The following TCF7L2 variants were observed in gnomAD, a reference collection of about 807,000 sequenced individuals.
TCF7L2 encodes the protein transcription factor 7 like 2.
TCF7L2 carries 23 observed loss-of-function variants against 77.9 expected under a neutral mutation model. The ratio of observed to expected loss-of-function variants is 0.30; its 90% CI spans 0.21 to 0.42. The LOEUF (loss-of-function observed/expected upper bound fraction) is 0.42, where lower values mean the gene tolerates loss of function less well. Ranked by LOEUF, TCF7L2 falls within the 10% of genes least tolerant of loss-of-function variation. The pLI is 1.00. For synonymous variants in TCF7L2, 413 were observed against 340.2 expected (o/e 1.21, Z -2.36); for missense variants, 654 against 793.1 (o/e 0.82, Z 2.11).
intron 6 of TCF7L2, among the ~76,000 whole-genome samples, chr10:113,142,225 G>A (rs1392912139): frequency 2.6e-5 from 4 of 152,102 alleles, no homozygotes; most frequent in East Asian, 3.9e-4. Context: ...GGCTGGTCTC[G>A]AACTCCTGAC....
In TCF7L2 at chr10:112,950,295, C is replaced by T; in HGVS notation, c.-462C>T. The T allele has an allele frequency of 4.4e-6, 1 of 229,726 alleles. No homozygotes were observed. Among genetic ancestry groups the T allele is most frequent in the Non-Finnish European group, 8.6e-6 (1 of 116,172 alleles). 14.2% of individuals were successfully genotyped at this position (229,726 alleles called of 1,614,324 possible). Reference sequence around the variant, plus strand: ...TACTCCGTTCCTCCGGATTTCGATCCCCCTTTTTCTATCTGTCAATCAGCG... The same window carrying T: ...TACTCCGTTCCTCCGGATTTCGATCTCCCTTTTTCTATCTGTCAATCAGCG... On this transcript the variant is annotated 5_prime_UTR_variant, in exon 1 of 14. Coordinates refer to ENST00000627217, the MANE Select transcript of TCF7L2 (RefSeq NM_001146274.2).
chr10:112,984,921 A>G lies in TCF7L2; in HGVS notation c.450+20297A>G, dbSNP rs568424500. Reference sequence around the variant, plus strand: ...TGTGATAAGGAGGCGTTCTGGGATGATGGATAAAACGCTTTGGCACTGAAG... The same window carrying G: ...TGTGATAAGGAGGCGTTCTGGGATGGTGGATAAAACGCTTTGGCACTGAAG... On this transcript the variant is annotated intron_variant, in intron 4 of 13. Coordinates refer to ENST00000627217, the MANE Select transcript of TCF7L2 (RefSeq NM_001146274.2). 7.5e-4 allele frequency among the ~76,000 whole-genome samples: 115 copies of G among 152,318 alleles called. 1 individual carries two copies. In the South Asian group the frequency reaches 0.012, roughly 16 times the overall value.
chr10:113,108,219 CCCCCA>C (rs1173723369), intron 5 of TCF7L2, among the ~76,000 whole-genome samples: 1 of 152,128 alleles, frequency 6.6e-6, no homozygotes, highest in African/African-American at 2.4e-5. Flanking sequence ...AATGTGGACC[CCCCCA>C]CCCCACCAGG....
At chr10:113,153,372 C>T (rs1005570518) in intron 11 of TCF7L2, among the ~76,000 whole-genome samples, 5 of 152,216 alleles carry the variant, frequency 3.3e-5, no homozygotes, top group African/African-American at 1.2e-4. Flanking sequence ...TCACCATCCA[C>T]TCTTAGGGGA....
At chr10:112,965,290 G>T (rs1216377295) in intron 4 of TCF7L2, among the ~76,000 whole-genome samples, 4 of 152,176 alleles carry the variant, frequency 2.6e-5, no homozygotes, top group Non-Finnish European at 4.4e-5. Flanking sequence ...AAATCCGAAG[G>T]CTAAACAAAT....
chr10:112,993,723 A>G (rs1209843526), intron 4 of TCF7L2, among the ~76,000 whole-genome samples: 1 of 152,158 alleles, frequency 6.6e-6, no homozygotes. Context: ...TTGCCTCGCA[A>G]GCTGTCTTGG....
intron 13 of TCF7L2, among the ~76,000 whole-genome samples, chr10:113,164,932 C>T (rs1257698137): frequency 2.0e-5 from 3 of 152,126 alleles, no homozygotes; most frequent in African/African-American, 7.2e-5. Context: ...TGTGTTAAAA[C>T]CTTTAAGCCT....
chr10:113,086,115 A>C (rs1239322243), intron 5 of TCF7L2, among the ~76,000 whole-genome samples: 1 of 152,188 alleles, frequency 6.6e-6, no homozygotes, highest in Non-Finnish European at 1.5e-5. Flanking sequence ...CCCACTCGTC[A>C]TGTCAGGAGC....
intron 4 of TCF7L2, among the ~76,000 whole-genome samples, chr10:113,035,996 G>T (rs765045794): frequency 6.6e-6 from 1 of 152,066 alleles, no homozygotes; most frequent in African/African-American, 2.4e-5. Flanking sequence ...CACTTGCCCC[G>T]TCCATCTGTG....
At chr10:113,069,929 A>G (rs2057737661) in intron 5 of TCF7L2, among the ~76,000 whole-genome samples, 1 of 152,036 alleles carries the variant, frequency 6.6e-6, no homozygotes, top group Non-Finnish European at 1.5e-5. Flanking sequence ...GGTGTCAGGG[A>G]GATCACTGTG....
chr10:113,060,993 AG>A (rs1332956524), intron 5 of TCF7L2, among the ~76,000 whole-genome samples: 1 of 152,170 alleles, frequency 6.6e-6, no homozygotes, highest in Non-Finnish European at 1.5e-5. Context: ...GCTGGTGGAT[AG>A]TAAGCTCCTT....
At chr10:113,143,465 C>T (rs1203940599) in intron 6 of TCF7L2, among the ~76,000 whole-genome samples, 1 of 152,192 alleles carries the variant, frequency 6.6e-6, no homozygotes, top group Non-Finnish European at 1.5e-5. Flanking sequence ...AGTAACTTTT[C>T]AAATGCCACA....
intron 13 of TCF7L2, chr10:113,161,635 C>T (rs746707933): frequency 5.2e-6 from 8 of 1,535,706 alleles, no homozygotes; most frequent in Non-Finnish European, 7.0e-6. Context: ...ACACGCTTCC[C>T]TGTTTGTAGT....
At chr10:113,109,331 G>A (rs1027299667) in intron 5 of TCF7L2, among the ~76,000 whole-genome samples, 2 of 152,112 alleles carry the variant, frequency 1.3e-5, no homozygotes, top group Non-Finnish European at 2.9e-5. Flanking sequence ...CTATAAAATA[G>A]GGATAGTGCT....
chr10:113,090,252 A>G (rs1408517580), intron 5 of TCF7L2, among the ~76,000 whole-genome samples: 1 of 152,232 alleles, frequency 6.6e-6, no homozygotes, highest in African/African-American at 2.4e-5. Flanking sequence ...ATTTTCAAGG[A>G]ACTCTTAGGT....
intron 5 of TCF7L2, among the ~76,000 whole-genome samples, chr10:113,120,791 C>T (rs1217359904): frequency 2.0e-5 from 3 of 152,160 alleles, no homozygotes; most frequent in Admixed American, 6.5e-5. Context: ...AGTTTCAGAA[C>T]AGTTTCTCAA....
intron 5 of TCF7L2, among the ~76,000 whole-genome samples, chr10:113,106,097 A>G (rs2062278917): frequency 1.3e-5 from 2 of 152,198 alleles, no homozygotes. Flanking sequence ...CAAGAAAAGT[A>G]AAATAACTCA....
At chr10:113,146,163 G>T (rs564117428) in intron 8 of TCF7L2, 66 bp downstream of exon 8, 2 of 1,476,088 alleles carry the variant, frequency 1.4e-6, no homozygotes, top group South Asian at 2.3e-5. Context: ...TTCTCTAGAT[G>T]GCCACCAAGC....
intron 5 of TCF7L2, among the ~76,000 whole-genome samples, chr10:113,083,259 G>GACACAC (rs10649541): frequency 0.21 from 30,681 of 143,244 alleles, 3,540 homozygotes; most frequent in East Asian, 0.44. Context: ...TATACTGATA[G>GACACAC]ACACACACAC....
Sources: allele counts gnomAD v4.1 joint callset (sites outside exome capture counted in the v4.1 genomes callset), GRCh38; gene constraint gnomAD v4.1.1; transcripts MANE v1.5; gene names NCBI Gene and HGNC (gene_info 2026-07-23, HGNC 2026-07-21).